ARK2C: variants seen among roughly 807,000 people sequenced by gnomAD.
ARK2C encodes the protein arkadia (RNF111) C-terminal like ring finger ubiquitin ligase 2C, also known as E3 ubiquitin-protein ligase ARK2C.
the ARK2C span, chr18:46,336,895 T>C: frequency 1.0e-6 from 1 of 985,396 alleles, no homozygotes; most frequent in Non-Finnish European, 1.2e-6. Context: ...AAAAAAATCT[T>C]TGATGAAATG....
the ARK2C span, among the ~76,000 whole-genome samples, chr18:46,394,878 G>GT: frequency 6.6e-6 from 1 of 152,220 alleles, no homozygotes; most frequent in African/African-American, 2.4e-5. Context: ...AGATGCCCTG[G>GT]TAGAGGATGC....
the ARK2C span, among the ~76,000 whole-genome samples, chr18:46,339,652 G>A: frequency 6.6e-6 from 1 of 152,230 alleles, no homozygotes; most frequent in African/African-American, 2.4e-5. Flanking sequence ...TTTGTAATAA[G>A]ATGGAACACA....
the ARK2C span, among the ~76,000 whole-genome samples, chr18:46,415,094 G>T: frequency 6.6e-6 from 1 of 152,154 alleles, no homozygotes; most frequent in African/African-American, 2.4e-5. Context: ...GCAGTTTCAG[G>T]GCCTGGTGGA....
chr18:46,369,792 G>T, the ARK2C span, among the ~76,000 whole-genome samples: 1 of 152,150 alleles, frequency 6.6e-6, no homozygotes, highest in African/African-American at 2.4e-5. Flanking sequence ...GTAAGACTTT[G>T]CATGCGCATT....
the ARK2C span, among the ~76,000 whole-genome samples, chr18:46,413,268 A>T: frequency 6.6e-6 from 1 of 152,096 alleles, no homozygotes; most frequent in African/African-American, 2.4e-5. Context: ...GCGTCGCTCA[A>T]GCCCAGCCCT....
At chr18:46,440,242 G>A in the ARK2C span, among the ~76,000 whole-genome samples, 6 of 152,058 alleles carry the variant, frequency 3.9e-5, no homozygotes, top group African/African-American at 1.2e-4. Flanking sequence ...TGTAAACCAC[G>A]GTCTGAAGAT....
chr18:46,446,785 G>T, the ARK2C span, among the ~76,000 whole-genome samples: 2 of 150,860 alleles, frequency 1.3e-5, no homozygotes, highest in Admixed American at 6.6e-5. Context: ...CATGAGCATG[G>T]ATCTAAACAA....
the ARK2C span, among the ~76,000 whole-genome samples, chr18:46,341,021 G>A: frequency 2.0e-5 from 3 of 152,328 alleles, no homozygotes; most frequent in South Asian, 6.2e-4. Flanking sequence ...TAGCAGGAGG[G>A]AAGAGTGTGT....
chr18:46,440,232 T>G, the ARK2C span, among the ~76,000 whole-genome samples: 1 of 152,268 alleles, frequency 6.6e-6, no homozygotes, highest in East Asian at 1.9e-4. Context: ...CAGTTACCCA[T>G]GTAAACCACG....
chr18:46,392,603 G>T, the ARK2C span, among the ~76,000 whole-genome samples: 1 of 152,212 alleles, frequency 6.6e-6, no homozygotes, highest in Non-Finnish European at 1.5e-5. Context: ...CTTGTCCGGG[G>T]TGATGGGTCA....
At chr18:46,391,595 C>T in the ARK2C span, among the ~76,000 whole-genome samples, 1 of 151,956 alleles carries the variant, frequency 6.6e-6, no homozygotes, top group Non-Finnish European at 1.5e-5. Context: ...GTTTGCACAG[C>T]CAGGCTTTCC....
chr18:46,435,605 G>A, the ARK2C span, among the ~76,000 whole-genome samples: 2 of 152,210 alleles, frequency 1.3e-5, no homozygotes, highest in Non-Finnish European at 2.9e-5. Context: ...AGATATTACT[G>A]GGTGCTATTA....
the ARK2C span, chr18:46,450,382 C>T: frequency 1.8e-4 from 287 of 1,612,342 alleles, no homozygotes; most frequent in African/African-American, 5.5e-4. Flanking sequence ...ACACCTCCGC[C>T]GTACGGGAGA....
At chr18:46,408,841 C>T in the ARK2C span, among the ~76,000 whole-genome samples, 1 of 152,166 alleles carries the variant, frequency 6.6e-6, no homozygotes, top group African/African-American at 2.4e-5. Context: ...CTGTGATGAG[C>T]CTTCATCCCA....
the ARK2C span, among the ~76,000 whole-genome samples, chr18:46,412,063 C>T: frequency 1.3e-5 from 2 of 152,202 alleles, no homozygotes; most frequent in Admixed American, 6.5e-5. Flanking sequence ...TTTTAAATGC[C>T]CTCTCTTCCC....
the ARK2C span, among the ~76,000 whole-genome samples, chr18:46,436,265 G>T: frequency 1.3e-5 from 2 of 151,888 alleles, no homozygotes; most frequent in African/African-American, 2.4e-5. Context: ...ATTGTGTGTG[G>T]GTATATATGT....
At chr18:46,341,370 G>C in the ARK2C span, among the ~76,000 whole-genome samples, 3 of 152,206 alleles carry the variant, frequency 2.0e-5, no homozygotes, top group Non-Finnish European at 4.4e-5. Flanking sequence ...GCTCACATCA[G>C]GGAGTTTACT....
the ARK2C span, among the ~76,000 whole-genome samples, chr18:46,446,077 A>G: frequency 6.6e-6 from 1 of 152,024 alleles, no homozygotes; most frequent in African/African-American, 2.4e-5. Context: ...TTCAGGTTCA[A>G]CTCTTATTTC....
the ARK2C span, among the ~76,000 whole-genome samples, chr18:46,449,696 G>A: frequency 6.6e-6 from 1 of 152,132 alleles, no homozygotes; most frequent in East Asian, 1.9e-4. Flanking sequence ...CATTCGCTTG[G>A]CACTCATTCT....
Sources: allele counts gnomAD v4.1 joint callset (sites outside exome capture counted in the v4.1 genomes callset), GRCh38; gene constraint gnomAD v4.1.1; transcripts MANE v1.5; gene names NCBI Gene and HGNC (gene_info 2026-07-23, HGNC 2026-07-21).